The following MGST2 variants were observed in gnomAD, a reference collection of about 807,000 sequenced individuals.
MGST2 encodes the protein glutathione peroxidase MGST2.
A neutral mutation model predicts 16.6 loss-of-function variants in MGST2; 9 were observed. The ratio of observed to expected loss-of-function variants is 0.54; its 90% CI spans 0.33 to 0.95. The LOEUF (loss-of-function observed/expected upper bound fraction) is 0.95, where lower values mean the gene tolerates loss of function less well. Among genes scored for constraint, MGST2 ranks in the 40% least tolerant of loss-of-function variants. MGST2 has a pLI of 0.03. For missense variants in MGST2, 159 were observed against 175.1 expected (o/e 0.91, Z 0.52); for synonymous variants, 79 against 68.0 (o/e 1.16, Z -0.79).
rs8192065 is a variant in MGST2 at position 139,679,607 on chromosome 4, T to C, written c.158+965T>C. 9.0e-3 allele frequency among the ~76,000 whole-genome samples: 1,375 copies of C among 152,332 alleles called. 9 individuals are homozygous for C. The highest frequency in any genetic ancestry group is 0.017 in the Middle Eastern group (5 of 294). On this transcript the variant is annotated intron_variant, in intron 2 of 4. Transcript: ENST00000265498. ...TGGACTAGGCAGGCTTTTTGTTACA[T>C]CTTGAATCAATTTTGGTAGGCCTTG...
intron 5 of MGST2, among the ~76,000 whole-genome samples, chr4:139,730,094 C>T (rs992610688): frequency 5.9e-5 from 9 of 152,170 alleles, no homozygotes; most frequent in South Asian, 2.1e-4. Context: ...AGACAGTCCC[C>T]GCCATGTGCT....
the MGST2 span, among the ~76,000 whole-genome samples, chr4:139,747,065 G>A: frequency 4.5e-4 from 68 of 152,316 alleles, no homozygotes; most frequent in Middle Eastern, 3.4e-3. Flanking sequence ...AGCCCTTAGT[G>A]GTTTTGTCTT....
At chr4:139,733,821 G>A (rs1027975221) in intron 5 of MGST2, among the ~76,000 whole-genome samples, 1 of 152,042 alleles carries the variant, frequency 6.6e-6, no homozygotes, top group African/African-American at 2.4e-5. Context: ...GGTAGGTGGG[G>A]GACTACAGGT....
At chr4:139,734,578 G>C (rs1212600057) in intron 5 of MGST2, among the ~76,000 whole-genome samples, 2 of 152,158 alleles carry the variant, frequency 1.3e-5, no homozygotes, top group African/African-American at 4.8e-5. Flanking sequence ...TCCCCTCCAG[G>C]GAAAAGATCT....
chr4:139,745,576 T>C (rs1468577887), downstream of MGST2, among the ~76,000 whole-genome samples: 1 of 152,154 alleles, frequency 6.6e-6, no homozygotes, highest in Admixed American at 6.5e-5. Flanking sequence ...CTGGGGTCAT[T>C]TTCCGGTCTG....
At chr4:139,703,590 T>G (rs1727393383) in intron 4 of MGST2, 54 bp downstream of exon 4, 2 of 1,519,068 alleles carry the variant, frequency 1.3e-6, no homozygotes, top group South Asian at 1.1e-5. Context: ...GGATAAGGTC[T>G]GGGTCAGTTT....
At chr4:139,674,480 T>C (rs1354866581) in intron 1 of MGST2, among the ~76,000 whole-genome samples, 2 of 151,956 alleles carry the variant, frequency 1.3e-5, no homozygotes, top group African/African-American at 4.8e-5. Flanking sequence ...TTTTTTTTTT[T>C]TTCTTTTTTT....
chr4:139,733,441 G>A (rs2110998991), intron 5 of MGST2, among the ~76,000 whole-genome samples: 1 of 151,796 alleles, frequency 6.6e-6, no homozygotes, highest in South Asian at 2.1e-4. Flanking sequence ...TGCTTTCCCA[G>A]CCTCCTCTCC....
Position 139,737,427 on chromosome 4 carries a change from C to T in MGST2, c.*49-2785C>T, listed in dbSNP as rs117518627. ...TAACATGCATCTGGTCTAAATTGAG[C>T]GGACCACCCAGGAGGATGTTGGAAT... On this transcript the variant is annotated intron_variant, in intron 5 of 5. Transcript: ENST00000616265. Among the ~76,000 whole-genome samples the T allele has an allele frequency of 4.2e-4, 64 of 151,234 alleles. No individual in the cohort carries two copies. The Middle Eastern group carries it at 0.014, about 32-fold the overall frequency.
At position 139,723,327 on chromosome 4, in the gene MGST2, T is replaced by G. The variant is rs1490020086; in HGVS notation, c.*49-16885T>G. ...TCTGGTTTTTTTTGTTTCTTTTTTC[T>G]GGGACACAGTTTTGCTCTTGTTGCC... is the stretch of plus-strand genomic sequence containing the variant. On this transcript the variant is annotated intron_variant, in intron 5 of 5. Coordinates refer to the MGST2 transcript ENST00000616265. 2.6e-5 allele frequency among the ~76,000 whole-genome samples: 4 copies of G among 152,212 alleles called. No homozygotes were observed. The East Asian group carries it at 7.7e-4, about 29-fold the overall frequency.
intron 5 of MGST2, among the ~76,000 whole-genome samples, chr4:139,723,466 A>G (rs890496244): frequency 6.6e-6 from 1 of 152,026 alleles, no homozygotes; most frequent in Non-Finnish European, 1.5e-5. Flanking sequence ...ATGCGCCACT[A>G]TGCCTGGCTA....
the MGST2 span, among the ~76,000 whole-genome samples, chr4:139,746,974 G>T: frequency 6.6e-6 from 1 of 152,146 alleles, no homozygotes; most frequent in Non-Finnish European, 1.5e-5. Flanking sequence ...TGGGCCACCG[G>T]CCGTGGCTTT....
chr4:139,678,771 T>C, intron 2 of MGST2, 129 bp downstream of exon 2: 1 of 784,392 alleles, frequency 1.3e-6, no homozygotes, highest in Non-Finnish European at 2.2e-6. Flanking sequence ...AAGTCACTCT[T>C]CACAGCCAAG....
rs8192043 is a variant in MGST2 at position 139,673,513 on chromosome 4, C to T, written c.59-5030C>T. On this transcript the variant is annotated intron_variant, in intron 1 of 4. Transcript: ENST00000265498. Reference sequence around the variant, plus strand: ...CCTTGTCCTCCCAGGCTCAAGCGATCCTGCCTACTCAGCCTCCTAAGTAGC... The same window carrying T: ...CCTTGTCCTCCCAGGCTCAAGCGATTCTGCCTACTCAGCCTCCTAAGTAGC... 8.7e-3 allele frequency among the ~76,000 whole-genome samples: 1,329 copies of T among 152,254 alleles called. 25 individuals carry two copies. Among genetic ancestry groups the T allele is most frequent in the African/African-American group, 0.031 (1,272 of 41,540 alleles).
At chr4:139,712,330 A>G (rs1727776438) in intron 5 of MGST2, among the ~76,000 whole-genome samples, 1 of 152,240 alleles carries the variant, frequency 6.6e-6, no homozygotes, top group Non-Finnish European at 1.5e-5. Flanking sequence ...GTTAGCTTAA[A>G]TTGCAGAAAC....
intron 5 of MGST2, among the ~76,000 whole-genome samples, chr4:139,724,224 T>C (rs1373430207): frequency 6.6e-6 from 1 of 152,206 alleles, no homozygotes; most frequent in Admixed American, 6.5e-5. Flanking sequence ...AGACCCAGTA[T>C]TTTTACAGGT....
intron 5 of MGST2, chr4:139,719,844 T>C: frequency 6.2e-7 from 1 of 1,613,738 alleles, no homozygotes; most frequent in Non-Finnish European, 8.5e-7. Context: ...TGCAAGCTCC[T>C]CTGTTGCCAG....
chr4:139,746,780 T>C, the MGST2 span, among the ~76,000 whole-genome samples: 1 of 152,172 alleles, frequency 6.6e-6, no homozygotes. Flanking sequence ...CCACCAAAAG[T>C]AATGTGTCAA....
At chr4:139,739,720 T>TAAAAAAA (rs59259375) in intron 5 of MGST2, among the ~76,000 whole-genome samples, 1 of 134,208 alleles carries the variant, frequency 7.5e-6, no homozygotes, top group African/African-American at 2.8e-5. Flanking sequence ...GTGTTAAAAC[T>TAAAAAAA]AAAAAAAAAA....
Sources: gnomAD v4.1 joint callset for allele counts (sites outside exome capture counted in the v4.1 genomes callset) on GRCh38, gnomAD v4.1.1 for gene constraint, MANE v1.5 for transcripts, NCBI Gene and HGNC (gene_info 2026-07-23, HGNC 2026-07-21) for gene names.